SLC2A9: variants seen among roughly 807,000 people sequenced by gnomAD.
SLC2A9 encodes the protein solute carrier family 2 member 9.
Under a neutral mutation model 50.6 loss-of-function variants are expected in SLC2A9, and 39 were observed. That is an observed-to-expected ratio of 0.77 (90% confidence interval 0.60 to 1.01). The LOEUF is 1.01. Ranked by LOEUF, SLC2A9 falls within the 50% of genes least tolerant of loss-of-function variation. SLC2A9 has a pLI of 0.00. For synonymous variants in SLC2A9, 324 were observed against 276.9 expected (o/e 1.17, Z -1.69); for missense variants, 686 against 677.6 (o/e 1.01, Z -0.14).
rs142337939 is a variant in SLC2A9 at position 9,787,911 on chromosome 4, G to A, written n.386-7846C>T. Among the ~76,000 whole-genome samples the A allele has an allele frequency of 4.1e-3, 621 of 152,238 alleles. 8 individuals carry two copies. Among genetic ancestry groups the A allele is most frequent in the African/African-American group, 0.014 (593 of 41,534 alleles). ...ATGTTAACTTTGCTCATGAGGTTAC[G>A]GTGCTGTCCACTGTTTTACTCTTTA... On this transcript the variant is annotated intron_variant and non_coding_transcript_variant, in intron 3 of 3. Transcript: ENST00000503803.
At chr4:9,870,154 C>A (rs1339795296) in intron 10 of SLC2A9, among the ~76,000 whole-genome samples, 8 of 152,244 alleles carry the variant, frequency 5.3e-5, no homozygotes, top group Non-Finnish European at 1.2e-4. Context: ...GGCACTGCAT[C>A]CCTACTGAAG....
intron 3 of SLC2A9, among the ~76,000 whole-genome samples, chr4:9,989,614 G>A (rs1757329836): frequency 6.6e-6 from 1 of 151,846 alleles, no homozygotes. Context: ...CTGCGCTATT[G>A]CAAGGTTCTC....
chr4:10,036,872 C>G lies in SLC2A9; in HGVS notation c.-41+3258G>C, dbSNP rs150274766. ...TTCATGTTCCAAAAAGGATTCTAGT[C>G]CGGGATTTCCACCCTGGTAAGTATC... is the stretch of plus-strand genomic sequence containing the variant. On this transcript the variant is annotated intron_variant, in intron 1 of 12. Transcript: ENST00000309065. 2.0e-5 allele frequency among the ~76,000 whole-genome samples: 3 copies of G among 152,346 alleles called. No individual in the cohort carries two copies. In the East Asian group the frequency reaches 5.8e-4, roughly 29 times the overall value.
chr4:9,955,572 T>C (rs916350158), intron 5 of SLC2A9, among the ~76,000 whole-genome samples: 1 of 151,620 alleles, frequency 6.6e-6, no homozygotes, highest in Non-Finnish European at 1.5e-5. Flanking sequence ...GCTCCCTTGG[T>C]GCTCTCCAAG....
At chr4:10,037,230 A>G (rs1474197207) in intron 1 of SLC2A9, among the ~76,000 whole-genome samples, 1 of 152,198 alleles carries the variant, frequency 6.6e-6, no homozygotes, top group Non-Finnish European at 1.5e-5. Context: ...CATCATCTCA[A>G]AATGAGACCT....
chr4:9,843,793 T>C (rs565445633), intron 10 of SLC2A9, among the ~76,000 whole-genome samples: 11 of 152,342 alleles, frequency 7.2e-5, no homozygotes, highest in African/African-American at 2.6e-4. Context: ...AGAAGCATGT[T>C]CCAGGAGAAT....
chr4:9,798,027 T>C (rs1198859816), downstream of SLC2A9, among the ~76,000 whole-genome samples: 1 of 152,226 alleles, frequency 6.6e-6, no homozygotes, highest in African/African-American at 2.4e-5. Flanking sequence ...GGATAGAGGC[T>C]GCTGGGTCCT....
intron 8 of SLC2A9, among the ~76,000 whole-genome samples, chr4:9,897,184 C>T (rs1330165370): frequency 6.6e-6 from 1 of 152,110 alleles, no homozygotes; most frequent in Non-Finnish European, 1.5e-5. Flanking sequence ...TACTTCCTCT[C>T]CCCAGTGTTT....
At chr4:10,021,257 G>T (rs756873827) in intron 1 of SLC2A9, 23 bp downstream of exon 1, 2 of 1,611,422 alleles carry the variant, frequency 1.2e-6, no homozygotes, top group Non-Finnish European at 1.7e-6. Context: ...CGCCAGCCAT[G>T]CAGAAAAGCT....
intron 1 of SLC2A9, among the ~76,000 whole-genome samples, chr4:10,030,865 C>G (rs1028971712): frequency 6.6e-6 from 1 of 152,150 alleles, no homozygotes; most frequent in African/African-American, 2.4e-5. Context: ...AGCAGCAGCC[C>G]TCAGCAGAGG....
chr4:9,980,858 C>A, intron 4 of SLC2A9, 121 bp from the exon 5 acceptor site: 1 of 1,308,208 alleles, frequency 7.6e-7, no homozygotes, highest in Non-Finnish European at 1.1e-6. Context: ...GTAGCCACGG[C>A]ATTTTTCCCA....
intron 3 of SLC2A9, among the ~76,000 whole-genome samples, chr4:9,789,928 GAATA>G (rs1719689761): frequency 6.6e-6 from 1 of 152,178 alleles, no homozygotes; most frequent in Non-Finnish European, 1.5e-5. Context: ...AACACTGACA[GAATA>G]AAGAAGACAA....
At chr4:9,970,578 T>C (rs1753741839) in intron 5 of SLC2A9, among the ~76,000 whole-genome samples, 5 of 151,942 alleles carry the variant, frequency 3.3e-5, no homozygotes, top group Admixed American at 2.6e-4. Context: ...GGAACCCAGC[T>C]AGCTGGGTTA....
downstream of SLC2A9, among the ~76,000 whole-genome samples, chr4:9,796,499 G>T (rs952509013): frequency 2.0e-5 from 3 of 152,174 alleles, no homozygotes; most frequent in African/African-American, 7.2e-5. Flanking sequence ...GTGCTGTAAG[G>T]ATTAGATGAG....
At chr4:9,797,832 C>T (rs1043499252), downstream of SLC2A9, among the ~76,000 whole-genome samples, 2 of 152,168 alleles carry the variant, frequency 1.3e-5, no homozygotes, top group African/African-American at 4.8e-5. Context: ...CACTCTGCGC[C>T]CAGGCTAGAG....
chr4:9,794,392 G>A (rs1176539668), downstream of SLC2A9, among the ~76,000 whole-genome samples: 1 of 152,142 alleles, frequency 6.6e-6, no homozygotes, highest in African/African-American at 2.4e-5. Flanking sequence ...CTGACTTCAG[G>A]TGATCCACCC....
At chr4:9,886,563 T>C (rs2109727319) in intron 10 of SLC2A9, among the ~76,000 whole-genome samples, 1 of 152,102 alleles carries the variant, frequency 6.6e-6, no homozygotes, top group East Asian at 1.9e-4. Flanking sequence ...TATCCCGATG[T>C]CCTGAATGGA....
chr4:9,795,474 C>A (rs950848267), downstream of SLC2A9, among the ~76,000 whole-genome samples: 2 of 152,170 alleles, frequency 1.3e-5, no homozygotes, highest in African/African-American at 4.8e-5. Context: ...CATGATCAAT[C>A]TTATGCCCCA....
intron 5 of SLC2A9, among the ~76,000 whole-genome samples, chr4:9,969,874 A>G (rs1049984259): frequency 1.3e-5 from 2 of 152,240 alleles, no homozygotes; most frequent in African/African-American, 4.8e-5. Flanking sequence ...GGGAGCTACA[A>G]TTCAAGATGA....
Sources: gnomAD v4.1 joint callset for allele counts (sites outside exome capture counted in the v4.1 genomes callset) on GRCh38, gnomAD v4.1.1 for gene constraint, MANE v1.5 for transcripts, NCBI Gene and HGNC (gene_info 2026-07-23, HGNC 2026-07-21) for gene names.